Variants in ANO6 observed in about 807,000 individuals in gnomAD.
ANO6 encodes the protein anoctamin-6.
A neutral mutation model predicts 117.5 loss-of-function variants in ANO6; 106 were observed. The observed-to-expected ratio is 0.90, with a 90% CI of 0.77 to 1.06. The LOEUF (loss-of-function observed/expected upper bound fraction) is 1.06, where lower values mean the gene tolerates loss of function less well. Ranked by LOEUF, ANO6 falls within the 50% of genes least tolerant of loss-of-function variation. The pLI, the probability that ANO6 is intolerant of heterozygous loss-of-function variation, is 0.00. For synonymous variants in ANO6, 367 were observed against 385.1 expected (o/e 0.95, Z 0.55); for missense variants, 955 against 1,121.1 (o/e 0.85, Z 2.12).
intron 13 of ANO6, 58 bp downstream of exon 13, chr12:45,402,078 T>C (rs1942806066): frequency 1.4e-6 from 2 of 1,429,668 alleles, no homozygotes; most frequent in Admixed American, 1.7e-5. Flanking sequence ...CTGCCAAAAA[T>C]AGAGACTGTT....
chr12:45,256,104 A>G (rs181041604), intron 1 of ANO6, among the ~76,000 whole-genome samples: 2 of 152,260 alleles, frequency 1.3e-5, no homozygotes, highest in East Asian at 3.9e-4. Flanking sequence ...GATTACAGGC[A>G]TGATCCACTG....
At chr12:45,417,869 C>G (rs1943253501) in intron 17 of ANO6, among the ~76,000 whole-genome samples, 1 of 152,172 alleles carries the variant, frequency 6.6e-6, no homozygotes, top group Non-Finnish European at 1.5e-5. Context: ...ACTGTAGGCT[C>G]TAGAGTCAGG....
chr12:45,364,799 G>C (rs931200429), intron 8 of ANO6, among the ~76,000 whole-genome samples: 4 of 152,142 alleles, frequency 2.6e-5, no homozygotes, highest in African/African-American at 9.7e-5. Flanking sequence ...TTTACTGACT[G>C]CTTTTTCCTC....
At chr12:45,247,082 C>T (rs989398643) in intron 1 of ANO6, among the ~76,000 whole-genome samples, 1 of 152,100 alleles carries the variant, frequency 6.6e-6, no homozygotes, top group East Asian at 1.9e-4. Flanking sequence ...TTCGCCACCA[C>T]GACTGGCTAA....
At chr12:45,420,976 G>A in intron 17 of ANO6, 95 bp from the exon 18 acceptor site, 1 of 1,363,858 alleles carries the variant, frequency 7.3e-7, no homozygotes, top group Non-Finnish European at 1.0e-6. Flanking sequence ...AGTGAGCCGA[G>A]ATCGTGCCAT....
chr12:45,422,572 A>T (rs1943391540), intron 18 of ANO6, among the ~76,000 whole-genome samples: 1 of 149,172 alleles, frequency 6.7e-6, no homozygotes, highest in Admixed American at 6.6e-5. Flanking sequence ...TGAATCAAAT[A>T]TGACTTTTTT....
intron 8 of ANO6, among the ~76,000 whole-genome samples, chr12:45,365,269 T>G (rs1295680948): frequency 1.3e-5 from 2 of 152,214 alleles, no homozygotes; most frequent in East Asian, 3.8e-4. Context: ...GGTTTTCTCA[T>G]GTCTTTCTTG....
At chr12:45,353,469 A>AT (rs1555172299) in intron 7 of ANO6, among the ~76,000 whole-genome samples, 5 of 151,852 alleles carry the variant, frequency 3.3e-5, no homozygotes, top group South Asian at 4.2e-4. Flanking sequence ...GTGCTCTTTT[A>AT]TTTTTTTTGC....
chr12:45,412,595 G>A (rs1014121147), intron 16 of ANO6, among the ~76,000 whole-genome samples: 6 of 152,028 alleles, frequency 3.9e-5, no homozygotes, highest in Non-Finnish European at 8.8e-5. Flanking sequence ...TGCTTGGTTC[G>A]AGCCCATCAC....
chr12:45,377,578 C>A (rs1281218869), intron 9 of ANO6, among the ~76,000 whole-genome samples: 1 of 152,102 alleles, frequency 6.6e-6, no homozygotes, highest in Non-Finnish European at 1.5e-5. Context: ...CAGCTTTGTA[C>A]GTCTCTTAAC....
intron 1 of ANO6, among the ~76,000 whole-genome samples, chr12:45,218,390 CTTTTTTTT>C (rs76855973): frequency 2.7e-5 from 3 of 110,108 alleles, no homozygotes; most frequent in African/African-American, 1.1e-4. Context: ...CTTTCTTTCT[CTTTTTTTT>C]TTTTTTTTTT....
chr12:45,329,794 G>A (rs1940600661), intron 2 of ANO6, among the ~76,000 whole-genome samples: 1 of 151,958 alleles, frequency 6.6e-6, no homozygotes, highest in African/African-American at 2.4e-5. Context: ...TTTTCCTCTA[G>A]CAATAGCCCT....
At chr12:45,270,499 T>G in intron 1 of ANO6, 1 of 1,377,138 alleles carries the variant, frequency 7.3e-7, no homozygotes. Flanking sequence ...TTCTGACTCC[T>G]CATACTCACC....
chr12:45,360,241 A>G (rs1229482104), intron 8 of ANO6, among the ~76,000 whole-genome samples: 1 of 152,242 alleles, frequency 6.6e-6, no homozygotes, highest in Non-Finnish European at 1.5e-5. Flanking sequence ...ATAGAAATCT[A>G]CTTTTCATAG....
intron 9 of ANO6, among the ~76,000 whole-genome samples, 198 bp downstream of exon 9, chr12:45,367,991 T>C (rs932601043): frequency 1.3e-5 from 2 of 152,234 alleles, no homozygotes; most frequent in Non-Finnish European, 2.9e-5. Context: ...TTTAAGACCT[T>C]AGATAAAATC....
chr12:45,263,216 A>AT (rs1938101820), intron 1 of ANO6, among the ~76,000 whole-genome samples: 1 of 151,700 alleles, frequency 6.6e-6, no homozygotes, highest in African/African-American at 2.4e-5. Flanking sequence ...AAGATGTTCT[A>AT]TTTTTTATCT....
Position 45,429,366 on chromosome 12 carries a change from A to T in ANO6, c.*55A>T, listed in dbSNP as rs1592058438. The stretch of plus-strand genomic sequence containing the variant: ...GAATTTAGCTTTGTCAAAATATATT[A>T]GGAATCACTAATGAGAATGTGTAAG... On this transcript the variant is annotated 3_prime_UTR_variant, in exon 20 of 20. Coordinates refer to ENST00000320560, the MANE Select transcript of ANO6 (RefSeq NM_001025356.3). The T allele has an allele frequency of 3.2e-6, 5 of 1,585,316 alleles. No homozygotes were observed. The East Asian group carries it at 1.2e-4, about 37-fold the overall frequency.
At chr12:45,381,703 A>G (rs1307442456) in intron 10 of ANO6, among the ~76,000 whole-genome samples, 1 of 152,186 alleles carries the variant, frequency 6.6e-6, no homozygotes, top group African/African-American at 2.4e-5. Flanking sequence ...TCTTGCTTGC[A>G]TTGCAATCCT....
In ANO6 at chr12:45,409,153, C is replaced by T. The variant is rs545601278; in HGVS notation, c.1881-204C>T. On this transcript the variant is annotated intron_variant, in intron 15 of 19. Transcript: ENST00000320560. ...TAGGAGAAAAAAATAGTAGCAGCTGCAGCTTTGGTAAACCCTGGTGTGTAG... is the reference window on the plus strand; with the variant it reads ...TAGGAGAAAAAAATAGTAGCAGCTGTAGCTTTGGTAAACCCTGGTGTGTAG... Among the ~76,000 whole-genome samples the T allele has an allele frequency of 4.6e-5, 7 of 152,296 alleles. No individual in the cohort carries two copies. In the East Asian group the frequency reaches 1.4e-3, roughly 29 times the overall value.
Sources: allele counts gnomAD v4.1 joint callset (sites outside exome capture counted in the v4.1 genomes callset), GRCh38; gene constraint gnomAD v4.1.1; transcripts MANE v1.5; gene names NCBI Gene and HGNC (gene_info 2026-07-23, HGNC 2026-07-21).